Variants in ADAMTSL1 observed in about 807,000 individuals in gnomAD.
The protein encoded by ADAMTSL1 is ADAMTS-like protein 1.
A neutral mutation model predicts 201.8 loss-of-function variants in ADAMTSL1; 126 were observed. The observed-to-expected ratio is 0.62, with a 90% CI of 0.54 to 0.72. The LOEUF (loss-of-function observed/expected upper bound fraction) is 0.72, where lower values mean the gene tolerates loss of function less well. Among genes scored for constraint, ADAMTSL1 ranks in the 30% least tolerant of loss-of-function variants. The pLI is 0.00. For missense variants in ADAMTSL1, 2,679 were observed against 2,277.8 expected (o/e 1.18, Z -3.59); for synonymous variants, 1,121 against 903.4 (o/e 1.24, Z -4.32).
At chr9:18,707,898 A>G (rs1436066082) in intron 14 of ADAMTSL1, among the ~76,000 whole-genome samples, 1 of 152,236 alleles carries the variant, frequency 6.6e-6, no homozygotes, top group Non-Finnish European at 1.5e-5. Context: ...ATTGAAATCA[A>G]CAACTGATTC....
chr9:18,622,475 A>G lies in ADAMTSL1; in HGVS notation c.601+106A>G, dbSNP rs1247504181. The G allele has an allele frequency of 4.0e-6, 6 of 1,507,418 alleles. No homozygotes were observed. The East Asian group carries it at 6.9e-5, about 17-fold the overall frequency. The allele number at this position is 1,507,418 out of a possible 1,614,324, so 93.4% of individuals were successfully genotyped here. A position where few individuals can be genotyped will look rare whatever the true frequency, so the allele number is the denominator to read the frequency against. On this transcript the variant is annotated intron_variant, in intron 5 of 28. Transcript: ENST00000380548. ...AGGGAACAACACCTCCACCAAAACG[A>G]TAATGAACCTGAAAATGTAGAAGGC...
intron 2 of ADAMTSL1, among the ~76,000 whole-genome samples, chr9:18,324,852 C>G (rs1834766573): frequency 6.6e-6 from 1 of 151,464 alleles, no homozygotes; most frequent in Admixed American, 6.6e-5. Flanking sequence ...AAGCCACATA[C>G]TAAGGGGAAA....
intron 1 of ADAMTSL1, among the ~76,000 whole-genome samples, chr9:18,029,393 A>C (rs1298167926): frequency 1.3e-5 from 2 of 152,198 alleles, no homozygotes; most frequent in African/African-American, 4.8e-5. Flanking sequence ...TACAAAAATT[A>C]ATTCGAAATG....
At chr9:18,756,143 G>A (rs534104425) in intron 16 of ADAMTSL1, among the ~76,000 whole-genome samples, 3 of 119,428 alleles carry the variant, frequency 2.5e-5, no homozygotes, top group East Asian at 4.9e-4. Flanking sequence ...GCCTGGTGTG[G>A]TGGCGGGCAC....
At chr9:18,771,395 G>A (rs2133720822) in intron 17 of ADAMTSL1, among the ~76,000 whole-genome samples, 1 of 152,308 alleles carries the variant, frequency 6.6e-6, no homozygotes, top group East Asian at 1.9e-4. Context: ...TGCTAAGTTA[G>A]AGACATACCT....
intron 2 of ADAMTSL1, among the ~76,000 whole-genome samples, chr9:18,368,024 T>C (rs1291291401): frequency 1.2e-4 from 18 of 151,882 alleles, no homozygotes; most frequent in African/African-American, 3.1e-4. Context: ...CTCAGCCCCC[T>C]GAGTAGCTGG....
chr9:18,584,750 G>T (rs1823367324), intron 4 of ADAMTSL1, among the ~76,000 whole-genome samples: 1 of 152,116 alleles, frequency 6.6e-6, no homozygotes, highest in African/African-American at 2.4e-5. Context: ...AGTGGACTGA[G>T]TTGGGAAAAT....
chr9:18,817,876 G>T (rs1358863909), intron 21 of ADAMTSL1, among the ~76,000 whole-genome samples: 1 of 152,162 alleles, frequency 6.6e-6, no homozygotes, highest in Non-Finnish European at 1.5e-5. Flanking sequence ...GAGCTTGCTC[G>T]AATCAGAAGT....
At chr9:17,932,701 A>G (rs1826844790) in intron 1 of ADAMTSL1, among the ~76,000 whole-genome samples, 1 of 152,178 alleles carries the variant, frequency 6.6e-6, no homozygotes, top group Non-Finnish European at 1.5e-5. Context: ...TATTCCCTTT[A>G]GTGCAGGCTA....
intron 1 of ADAMTSL1, among the ~76,000 whole-genome samples, chr9:18,139,105 T>A (rs1826284438): frequency 6.6e-6 from 1 of 152,160 alleles, no homozygotes; most frequent in Admixed American, 6.5e-5. Flanking sequence ...TCCTGTAACA[T>A]CTTATGGTTT....
intron 2 of ADAMTSL1, among the ~76,000 whole-genome samples, chr9:18,361,308 A>C (rs1392484826): frequency 2.0e-5 from 3 of 152,242 alleles, no homozygotes; most frequent in African/African-American, 7.2e-5. Flanking sequence ...ATAATTATTC[A>C]ACTCCTAAAA....
chr9:18,290,170 T>G (rs1833193283), intron 2 of ADAMTSL1, among the ~76,000 whole-genome samples: 1 of 152,174 alleles, frequency 6.6e-6, no homozygotes, highest in Non-Finnish European at 1.5e-5. Context: ...ACTTGAACCC[T>G]CCACGTTCCT....
Position 18,535,715 on chromosome 9 carries a change from C to T in ADAMTSL1, c.237+2423C>T, listed in dbSNP as rs545354371. Among the ~76,000 whole-genome samples the T allele has an allele frequency of 1.1e-4, 16 of 152,224 alleles. No individual in the cohort carries two copies. The South Asian group carries it at 2.3e-3, about 22-fold the overall frequency. On this transcript the variant is annotated intron_variant, in intron 3 of 28. Coordinates refer to ENST00000380548, the MANE Select transcript of ADAMTSL1 (RefSeq NM_001040272.6). The stretch of plus-strand genomic sequence containing the variant: ...GTAAGTAGGAAACTTACAATCATGG[C>T]AGAAGGGGAAGCAAACACATCTTTC...
chr9:18,659,576 C>G (rs1828931566), intron 8 of ADAMTSL1, among the ~76,000 whole-genome samples: 1 of 152,106 alleles, frequency 6.6e-6, no homozygotes, highest in Admixed American at 6.5e-5. Context: ...ACCAGTCTGG[C>G]CAACATGGTG....
chr9:18,661,914 C>G, intron 8 of ADAMTSL1, 21 bp from the exon 9 acceptor site: 2 of 1,606,608 alleles, frequency 1.2e-6, no homozygotes, highest in Non-Finnish European at 1.7e-6. Flanking sequence ...TTAAACTTGC[C>G]TGGATGGTTT....
intron 2 of ADAMTSL1, among the ~76,000 whole-genome samples, chr9:18,417,367 G>GAAAAAAAAAAAAAA (rs80226819): frequency 4.6e-5 from 3 of 64,694 alleles, no homozygotes; most frequent in Admixed American, 1.6e-4. Context: ...AAGTAAGCAG[G>GAAAAAAAAAAAAAA]AAAAAAAAAA....
intron 1 of ADAMTSL1, among the ~76,000 whole-genome samples, chr9:18,041,166 A>G (rs565525715): frequency 9.2e-5 from 14 of 152,212 alleles, no homozygotes; most frequent in Admixed American, 2.6e-4. Context: ...GGATGATTTA[A>G]CACATGTAGC....
chr9:18,085,484 T>TATATATATATATATGCTGTGTGTGC lies in ADAMTSL1; in HGVS notation c.88-78364_88-78363insGCTGTGTGTGCATATATATATATAT, dbSNP rs1823710089. 3.1e-5 allele frequency among the ~76,000 whole-genome samples: 4 copies of TATATATATATATATGCTGTGTGTGC among 130,476 alleles called. No individual in the cohort carries two copies. In the East Asian group the frequency reaches 8.6e-4, roughly 28 times the overall value. 85.6% of individuals were successfully genotyped at this position (130,476 alleles called of 152,430 possible). The stretch of plus-strand genomic sequence containing the variant: ...ACACAAATACACATATGTGTGTGCA[T>TATATATATATATATGCTGTGTGTGC]ATATATATATATATACTGTGTGTGC... On this transcript the variant is annotated intron_variant, in intron 1 of 29. Coordinates refer to the ADAMTSL1 transcript ENST00000680146.
rs1826561641 is a variant in ADAMTSL1 at position 17,926,939 on chromosome 9, A to T, written c.87+20017A>T. Among the ~76,000 whole-genome samples the T allele has an allele frequency of 2.6e-5, 4 of 152,186 alleles. No individual in the cohort carries two copies. The South Asian group carries it at 8.3e-4, about 32-fold the overall frequency. On this transcript the variant is annotated intron_variant, in intron 1 of 29. Transcript: ENST00000680146. ...CAATTGACCATCATGACCACTTTTA[A>T]GTTTACATTTCAGTAGTGTGAAGTA...
Sources: gnomAD v4.1 joint callset for allele counts (sites outside exome capture counted in the v4.1 genomes callset) on GRCh38, gnomAD v4.1.1 for gene constraint, MANE v1.5 for transcripts, NCBI Gene and HGNC (gene_info 2026-07-23, HGNC 2026-07-21) for gene names.